The following NOL4 variants were observed in gnomAD, a reference collection of about 807,000 sequenced individuals.
NOL4 encodes the protein cancer/testis antigen 125.
Under a neutral mutation model 75.9 loss-of-function variants are expected in NOL4, and 17 were observed. That is an observed-to-expected ratio of 0.22 (90% confidence interval 0.15 to 0.34). The LOEUF (loss-of-function observed/expected upper bound fraction) is 0.34, where lower values mean the gene tolerates loss of function less well. NOL4 is among the 10% of genes least tolerant of loss of function. The pLI is 1.00. For missense variants in NOL4, 614 were observed against 793.5 expected, an observed-to-expected ratio of 0.77 and a Z score of 2.72; for synonymous variants, 292 against 289.9, an observed-to-expected ratio of 1.01 and a Z score of -0.07.
At chr18:34,182,316 G>A (rs1341597525) in intron 1 of NOL4, among the ~76,000 whole-genome samples, 2 of 151,542 alleles carry the variant, frequency 1.3e-5, no homozygotes, top group Non-Finnish European at 3.0e-5. Context: ...TTCCCATACT[G>A]TATCAATACA....
At chr18:33,901,169 T>A (rs2065726943) in intron 9 of NOL4, among the ~76,000 whole-genome samples, 1 of 152,180 alleles carries the variant, frequency 6.6e-6, no homozygotes, top group African/African-American at 2.4e-5. Flanking sequence ...TTTTAAGATA[T>A]CAGGGTTTGG....
Position 34,173,544 on chromosome 18 carries a change from T to C in NOL4, c.265-43524A>G, listed in dbSNP as rs138073815. Among the ~76,000 whole-genome samples, 1,355 of 152,172 alleles carry C rather than the reference T, an allele frequency of 8.9e-3. 20 individuals carry two copies. The highest frequency in any genetic ancestry group is 0.03 in the African/African-American group (1,260 of 41,476). On this transcript the variant is annotated intron_variant, in intron 1 of 10. Coordinates refer to ENST00000261592, the MANE Select transcript of NOL4 (RefSeq NM_003787.5). ...ATAAAATGTTTATTTGTTAATTAAT[T>C]AAAATAAAATAATAAAATAGTGTTT... is the stretch of plus-strand genomic sequence containing the variant.
chr18:34,050,576 T>A (rs2076586440), intron 5 of NOL4, among the ~76,000 whole-genome samples: 1 of 152,096 alleles, frequency 6.6e-6, no homozygotes, highest in African/African-American at 2.4e-5. Flanking sequence ...TGCCACAACT[T>A]AGATTTGGAT....
chr18:33,962,223 T>TCCAC (rs1162090144), intron 6 of NOL4, among the ~76,000 whole-genome samples: 1 of 152,152 alleles, frequency 6.6e-6, no homozygotes, highest in Non-Finnish European at 1.5e-5. Flanking sequence ...CCATACATCC[T>TCCAC]CCACCCACCC....
intron 8 of NOL4, among the ~76,000 whole-genome samples, chr18:33,954,537 C>T (rs1448245836): frequency 1.3e-5 from 2 of 149,340 alleles, no homozygotes; most frequent in African/African-American, 4.9e-5. Flanking sequence ...TATCTGAGAA[C>T]TTTTTTTTTT....
intron 5 of NOL4, among the ~76,000 whole-genome samples, chr18:34,040,596 C>T (rs1321627409): frequency 1.3e-5 from 2 of 151,862 alleles, no homozygotes; most frequent in African/African-American, 4.8e-5. Context: ...GGTGCACAAA[C>T]CATTGTGGAA....
At chr18:34,200,796 G>T (rs1171013984) in intron 1 of NOL4, among the ~76,000 whole-genome samples, 1 of 151,688 alleles carries the variant, frequency 6.6e-6, no homozygotes. Flanking sequence ...GAACTAACTG[G>T]CTAATTCAGT....
At chr18:34,155,241 A>G (rs1441011816) in intron 1 of NOL4, among the ~76,000 whole-genome samples, 1 of 152,058 alleles carries the variant, frequency 6.6e-6, no homozygotes, top group African/African-American at 2.4e-5. Flanking sequence ...CAATGAAAAG[A>G]AAGAAAAATG....
At chr18:34,179,612 A>G (rs893342814) in intron 1 of NOL4, among the ~76,000 whole-genome samples, 1 of 151,678 alleles carries the variant, frequency 6.6e-6, no homozygotes, top group Non-Finnish European at 1.5e-5. Context: ...TAATATGTTT[A>G]ATAATGAACA....
At chr18:33,985,310 G>T (rs768795598) in intron 6 of NOL4, among the ~76,000 whole-genome samples, 3 of 152,054 alleles carry the variant, frequency 2.0e-5, no homozygotes, top group Admixed American at 1.3e-4. Flanking sequence ...AAAGTATTTG[G>T]TGAGGCAGCA....
rs377569696 is a variant in NOL4, at chr18:33,965,460, T to C, written c.1057-7042A>G. 1.1e-4 allele frequency among the ~76,000 whole-genome samples: 17 copies of C among 152,202 alleles called. No homozygotes were observed. In the East Asian group the frequency reaches 1.4e-3, roughly 12 times the overall value. Reference sequence around the variant, plus strand: ...GTGAGCTATGATCCTGCCACTGAACTCCAGCCTGGGCAACAGAGCAATACC... The same window carrying C: ...GTGAGCTATGATCCTGCCACTGAACCCCAGCCTGGGCAACAGAGCAATACC... On this transcript the variant is annotated intron_variant, in intron 6 of 10. Transcript: ENST00000261592.
At chr18:33,877,998 C>T (rs574286520) in intron 10 of NOL4, among the ~76,000 whole-genome samples, 1 of 152,122 alleles carries the variant, frequency 6.6e-6, no homozygotes, top group East Asian at 1.9e-4. Context: ...AAGAAAACTT[C>T]AGGTGAGTAG....
At chr18:34,208,082 A>C (rs539995072) in intron 1 of NOL4, among the ~76,000 whole-genome samples, 24 of 152,288 alleles carry the variant, frequency 1.6e-4, no homozygotes, top group Admixed American at 1.5e-3. Flanking sequence ...TTCATTGTGC[A>C]GTTTCATGAC....
intron 6 of NOL4, among the ~76,000 whole-genome samples, chr18:34,002,616 A>G (rs1388314092): frequency 1.3e-5 from 2 of 152,084 alleles, no homozygotes; most frequent in Non-Finnish European, 2.9e-5. Context: ...TCACTCTGGT[A>G]TTTCTAGGTA....
intron 6 of NOL4, among the ~76,000 whole-genome samples, chr18:33,988,362 G>C (rs1459974354): frequency 5.3e-5 from 8 of 152,032 alleles, no homozygotes; most frequent in African/African-American, 1.9e-4. Context: ...AGTTTCAGAG[G>C]ATGCTAGAAG....
At chr18:34,047,999 T>A (rs913042564) in intron 5 of NOL4, among the ~76,000 whole-genome samples, 2 of 152,142 alleles carry the variant, frequency 1.3e-5, no homozygotes, top group Non-Finnish European at 2.9e-5. Flanking sequence ...AATGGATTTT[T>A]AAAATATGTA....
At chr18:34,183,061 TAACA>T (rs975878337) in intron 1 of NOL4, among the ~76,000 whole-genome samples, 24 of 151,790 alleles carry the variant, frequency 1.6e-4, no homozygotes, top group African/African-American at 5.3e-4. Context: ...AATTGGATAT[TAACA>T]AAGAAGAAAC....
At chr18:34,211,355 G>C (rs981672554) in intron 1 of NOL4, among the ~76,000 whole-genome samples, 2 of 152,124 alleles carry the variant, frequency 1.3e-5, no homozygotes, top group African/African-American at 2.4e-5. Flanking sequence ...CATGTAAACA[G>C]AGTGCTTAGA....
intron 2 of NOL4, among the ~76,000 whole-genome samples, chr18:34,122,304 T>A (rs1205906570): frequency 2.0e-5 from 3 of 152,106 alleles, no homozygotes; most frequent in Non-Finnish European, 4.4e-5. Flanking sequence ...CTGCTGCTCA[T>A]AAAGCTAGTT....
Sources: gnomAD v4.1 joint callset for allele counts (sites outside exome capture counted in the v4.1 genomes callset) on GRCh38, gnomAD v4.1.1 for gene constraint, MANE v1.5 for transcripts, NCBI Gene and HGNC (gene_info 2026-07-23, HGNC 2026-07-21) for gene names.